The following DLG2 variants were observed in gnomAD, a reference collection of about 807,000 sequenced individuals.
DLG2 encodes disks large homolog 2.
In DLG2, 45 loss-of-function variants were observed where a neutral mutation model predicts 132.5. That is an observed-to-expected ratio of 0.34 (90% CI 0.27 to 0.44). The LOEUF is 0.44. Among genes scored for constraint, DLG2 ranks in the 20% least tolerant of loss-of-function variants. The probability of loss-of-function intolerance (pLI) is 1.00; values close to 1 mark genes in which losing one functional copy is unlikely to be tolerated. For missense variants in DLG2, 1,045 were observed against 1,196.9 expected (o/e 0.87, Z 1.87); for synonymous variants, 424 against 419.6 (o/e 1.01, Z -0.13).
intron 18 of DLG2, among the ~76,000 whole-genome samples, chr11:83,701,780 G>A (rs939168453): frequency 1.3e-5 from 2 of 152,150 alleles, no homozygotes; most frequent in Non-Finnish European, 2.9e-5. Flanking sequence ...AACCTGTCGT[G>A]GTAGGGAAGG....
chr11:84,171,158 G>GT (rs2095812040), intron 8 of DLG2, among the ~76,000 whole-genome samples: 1 of 152,034 alleles, frequency 6.6e-6, no homozygotes, highest in African/African-American at 2.4e-5. Flanking sequence ...AGGAAAAAAC[G>GT]TAAGAAAGTT....
At chr11:84,645,647 T>C (rs1194363357) in intron 6 of DLG2, among the ~76,000 whole-genome samples, 1 of 152,092 alleles carries the variant, frequency 6.6e-6, no homozygotes, top group Non-Finnish European at 1.5e-5. Context: ...TTTTGTATTT[T>C]TAGTAGAGAT....
chr11:83,654,738 ATGAAGTAAT>A (rs2071802493), intron 18 of DLG2, among the ~76,000 whole-genome samples: 1 of 152,232 alleles, frequency 6.6e-6, no homozygotes. Flanking sequence ...GTCTATAGAA[ATGAAGTAAT>A]TTTATTTAAT....
At chr11:83,917,791 CATG>C (rs1448822713) in intron 15 of DLG2, among the ~76,000 whole-genome samples, 1 of 152,198 alleles carries the variant, frequency 6.6e-6, no homozygotes, top group African/African-American at 2.4e-5. Flanking sequence ...TCATGTGTCA[CATG>C]ATAACATACA....
chr11:84,470,233 G>A (rs541801542), intron 7 of DLG2, among the ~76,000 whole-genome samples: 1 of 151,684 alleles, frequency 6.6e-6, no homozygotes, highest in South Asian at 2.1e-4. Context: ...GAGGAAAATG[G>A]AAATACTAGA....
intron 7 of DLG2, among the ~76,000 whole-genome samples, chr11:84,461,326 G>A (rs1453046687): frequency 6.6e-6 from 1 of 150,778 alleles, no homozygotes; most frequent in Non-Finnish European, 1.5e-5. Flanking sequence ...GCCACACATG[G>A]AACAATTAAC....
chr11:85,188,718 A>T (rs973927445), intron 4 of DLG2, among the ~76,000 whole-genome samples: 10 of 152,214 alleles, frequency 6.6e-5, no homozygotes, highest in African/African-American at 2.4e-4. Flanking sequence ...TAATAACTGA[A>T]ATTTAAAACT....
At chr11:85,077,389 A>G (rs1443529996) in intron 6 of DLG2, among the ~76,000 whole-genome samples, 1 of 152,018 alleles carries the variant, frequency 6.6e-6, no homozygotes, top group East Asian at 1.9e-4. Context: ...TGATAGGAAC[A>G]AATTTAGACC....
In DLG2 at chr11:85,547,414, C is replaced by T. The variant is rs1458466546; in HGVS notation, c.40+51243G>A. ...AACCTGACCTTTCTCTCTGGCTGCT[C>T]TTAACATTTTTTCCTTCATTTCAAT... is the stretch of plus-strand genomic sequence containing the variant. On this transcript the variant is annotated intron_variant, in intron 3 of 27. Coordinates refer to ENST00000376104, the MANE Select transcript of DLG2 (RefSeq NM_001142699.3). Among the ~76,000 whole-genome samples, 3 of 152,142 alleles carry T rather than the reference C, an allele frequency of 2.0e-5. No homozygotes were observed. In the East Asian group the frequency reaches 5.8e-4, roughly 29 times the overall value.
chr11:84,979,867 C>T (rs2055489975), intron 6 of DLG2, among the ~76,000 whole-genome samples: 2 of 151,896 alleles, frequency 1.3e-5, no homozygotes, highest in Non-Finnish European at 2.9e-5. Flanking sequence ...TTATTGGGTG[C>T]ACATACAAGT....
intron 6 of DLG2, among the ~76,000 whole-genome samples, chr11:84,901,136 C>T (rs913509855): frequency 2.2e-4 from 33 of 151,986 alleles, no homozygotes; most frequent in African/African-American, 7.5e-4. Context: ...CCCTCTGACA[C>T]CATGTTTTCA....
At chr11:84,603,907 C>T (rs1439660372) in intron 6 of DLG2, among the ~76,000 whole-genome samples, 2 of 151,850 alleles carry the variant, frequency 1.3e-5, no homozygotes, top group African/African-American at 4.8e-5. Context: ...CAATAATACA[C>T]AATGATTAGT....
chr11:84,340,919 C>T lies in DLG2; in HGVS notation c.520-89628G>A, dbSNP rs192204398. Among the ~76,000 whole-genome samples the T allele has an allele frequency of 9.1e-4, 138 of 152,190 alleles. 1 individual carries two copies. In the Middle Eastern group the frequency reaches 0.01, roughly 11 times the overall value. ...TGGTTGAGGATATAAGCAGTGGGATCAGCATGATTGAAGGAGAGCTACGTG... is the reference window on the plus strand; with the variant it reads ...TGGTTGAGGATATAAGCAGTGGGATTAGCATGATTGAAGGAGAGCTACGTG... On this transcript the variant is annotated intron_variant, in intron 7 of 27. Transcript: ENST00000376104.
At position 84,626,229 on chromosome 11, in the gene DLG2, A is replaced by T. The variant is rs182290522; in HGVS notation, c.358-91498T>A. ...ACTTATCAGTGGTTTCTAAATTTACATTAGGTGGAGTAAGAAGCACACCAT... is the reference window on the plus strand; with the variant it reads ...ACTTATCAGTGGTTTCTAAATTTACTTTAGGTGGAGTAAGAAGCACACCAT... On this transcript the variant is annotated intron_variant, in intron 6 of 27. Transcript: ENST00000376104. 4.6e-5 allele frequency among the ~76,000 whole-genome samples: 7 copies of T among 152,328 alleles called. No individual in the cohort carries two copies. The East Asian group carries it at 1.4e-3, about 29-fold the overall frequency.
intron 6 of DLG2, among the ~76,000 whole-genome samples, chr11:84,633,275 A>G (rs765490399): frequency 5.3e-5 from 8 of 152,026 alleles, no homozygotes; most frequent in Non-Finnish European, 1.0e-4. Flanking sequence ...TTCCCAACAA[A>G]ATCTGAAACT....
Position 84,714,641 on chromosome 11 carries a change from CTCTCTT to C in DLG2, c.358-179916_358-179911del, listed in dbSNP as rs1330988186. On this transcript the variant is annotated intron_variant, in intron 6 of 27. Coordinates refer to ENST00000376104, the MANE Select transcript of DLG2 (RefSeq NM_001142699.3). ...TTTCTCTTTCTCTCTCTCTCTCTCTCTCTCTTTCTCTCTCTCTCTCTCTCTCTCTCT... is the reference window on the plus strand; with the variant it reads ...TTTCTCTTTCTCTCTCTCTCTCTCTCTCTCTCTCTCTCTCTCTCTCTCTCT... 1.4e-3 allele frequency among the ~76,000 whole-genome samples: 194 copies of C among 135,096 alleles called. 2 individuals carry two copies. The highest frequency in any genetic ancestry group is 5.8e-3 in the African/African-American group (187 of 32,504). 88.6% of individuals were successfully genotyped at this position (135,096 alleles called of 152,430 possible). A position where few individuals can be genotyped will look rare whatever the true frequency, so the allele number is the denominator to read the frequency against.
At chr11:84,281,504 A>G (rs1296148018) in intron 7 of DLG2, among the ~76,000 whole-genome samples, 1 of 151,930 alleles carries the variant, frequency 6.6e-6, no homozygotes, top group Non-Finnish European at 1.5e-5. Context: ...GGTTAGTTAC[A>G]TATGTATACA....
chr11:83,597,419 G>A (rs2057772889), intron 19 of DLG2, among the ~76,000 whole-genome samples: 2 of 152,142 alleles, frequency 1.3e-5, no homozygotes, highest in Non-Finnish European at 2.9e-5. Context: ...CAGACACAGT[G>A]GCTCATGCCT....
At chr11:85,176,080 TA>T (rs2079217586) in intron 4 of DLG2, among the ~76,000 whole-genome samples, 1 of 152,110 alleles carries the variant, frequency 6.6e-6, no homozygotes, top group Admixed American at 6.6e-5. Context: ...ATTAAACTAC[TA>T]TTGACATTCT....
Sources: allele counts gnomAD v4.1 joint callset (sites outside exome capture counted in the v4.1 genomes callset), GRCh38; gene constraint gnomAD v4.1.1; transcripts MANE v1.5; gene names NCBI Gene and HGNC (gene_info 2026-07-23, HGNC 2026-07-21).